FLT3: variants seen among roughly 807,000 people sequenced by gnomAD.
FLT3 encodes receptor-type tyrosine-protein kinase FLT3.
A neutral mutation model predicts 126.6 loss-of-function variants in FLT3; 46 were observed. The ratio of observed to expected loss-of-function variants is 0.36; its 90% CI spans 0.29 to 0.46. The LOEUF (loss-of-function observed/expected upper bound fraction) is 0.46. Among genes scored for constraint, FLT3 ranks in the 20% least tolerant of loss-of-function variants. The probability of loss-of-function intolerance (pLI) is 1.00; values close to 1 mark genes in which losing one functional copy is unlikely to be tolerated. For missense variants in FLT3, 1,069 were observed against 1,190.3 expected (o/e 0.90, Z 1.50); for synonymous variants, 404 against 434.4 (o/e 0.93, Z 0.87).
At chr13:28,029,448 G>C (rs1005585353) in intron 15 of FLT3, among the ~76,000 whole-genome samples, 2 of 152,064 alleles carry the variant, frequency 1.3e-5, no homozygotes, top group African/African-American at 2.4e-5. Context: ...TGTTGAATCT[G>C]GTAATGCACC....
At chr13:28,048,835 T>C (rs563541856) in intron 8 of FLT3, among the ~76,000 whole-genome samples, 1 of 152,332 alleles carries the variant, frequency 6.6e-6, no homozygotes, top group East Asian at 1.9e-4. Context: ...CACTTCCTTA[T>C]TAATCTGCTA....
chr13:28,084,050 T>G (rs1279799445), intron 1 of FLT3, among the ~76,000 whole-genome samples: 2 of 152,116 alleles, frequency 1.3e-5, no homozygotes. Flanking sequence ...AGAAATGGTG[T>G]TTTGCTGTGT....
At chr13:28,033,791 A>G in intron 15 of FLT3, 96 bp downstream of exon 15, 1 of 930,946 alleles carries the variant, frequency 1.1e-6, no homozygotes, top group Non-Finnish European at 1.7e-6. Context: ...GCAAACAGTA[A>G]CCATTAAAAG....
chr13:28,029,326 A>T (rs1237878516), intron 15 of FLT3, among the ~76,000 whole-genome samples: 1 of 144,472 alleles, frequency 6.9e-6, no homozygotes, highest in Non-Finnish European at 1.5e-5. Context: ...GGGGAGGCAG[A>T]GGTTGCAGTG....
Position 28,100,126 on chromosome 13 carries a change from C to G in FLT3, c.43+342G>C, listed in dbSNP as rs1415651188. 6.6e-6 allele frequency among the ~76,000 whole-genome samples: 1 copy of G among 152,132 alleles called. No homozygotes were observed. Among genetic ancestry groups the G allele is most frequent in the African/African-American group, 2.4e-5 (1 of 41,444 alleles). ...GCGGCCGCAGACTCCCACGGACGGC[C>G]CAGCACCCGAGCGCGCGGGCCGAGC... On this transcript the variant is annotated intron_variant, in intron 1 of 23. Coordinates refer to ENST00000241453, the MANE Select transcript of FLT3 (RefSeq NM_004119.3). This position sits in a 1 kb window ranked among gnomAD's most constrained non-coding sequence, Gnocchi z 4.8.
chr13:28,049,601 C>G, intron 7 of FLT3, 34 bp downstream of exon 7: 1 of 1,613,208 alleles, frequency 6.2e-7, no homozygotes, highest in Non-Finnish European at 8.5e-7. Context: ...GTTAATTGTT[C>G]CTGCATTTTC....
At chr13:28,045,809 C>T (rs1018145218) in intron 9 of FLT3, among the ~76,000 whole-genome samples, 1 of 148,756 alleles carries the variant, frequency 6.7e-6, no homozygotes, top group East Asian at 2.0e-4. Context: ...GAGCCAAGAT[C>T]GTGCCACTGC....
At chr13:28,034,748 A>G (rs1402037312) in intron 12 of FLT3, among the ~76,000 whole-genome samples, 2 of 152,138 alleles carry the variant, frequency 1.3e-5, no homozygotes, top group African/African-American at 4.8e-5. Context: ...TGAGTCCAAG[A>G]ATTAGACACC....
intron 5 of FLT3, 100 bp downstream of exon 5, chr13:28,052,445 T>C: frequency 8.0e-7 from 1 of 1,245,956 alleles, no homozygotes; most frequent in Non-Finnish European, 1.1e-6. Context: ...CCTGTTTAAA[T>C]GAGCATAAAT....
At chr13:28,067,024 T>C (rs1379946326) in intron 2 of FLT3, among the ~76,000 whole-genome samples, 2 of 152,222 alleles carry the variant, frequency 1.3e-5, no homozygotes, top group African/African-American at 2.4e-5. Flanking sequence ...GGCACGCTCC[T>C]GGGAAATTCT....
At chr13:28,026,011 C>T (rs1267063665) in intron 17 of FLT3, among the ~76,000 whole-genome samples, 1 of 152,052 alleles carries the variant, frequency 6.6e-6, no homozygotes, top group Non-Finnish European at 1.5e-5. Flanking sequence ...AAACAAATAC[C>T]CTTCAGAATA....
At chr13:28,052,467 T>A in intron 5 of FLT3, 78 bp downstream of exon 5, 2 of 1,391,320 alleles carry the variant, frequency 1.4e-6, no homozygotes, top group Non-Finnish European at 9.9e-7. Context: ...AAATTTTACA[T>A]ACAGCTTGAT....
At chr13:28,045,063 C>T (rs191799107) in intron 9 of FLT3, among the ~76,000 whole-genome samples, 4 of 152,254 alleles carry the variant, frequency 2.6e-5, no homozygotes, top group Non-Finnish European at 5.9e-5. Flanking sequence ...GAGTCAGGAG[C>T]TCACCTAATT....
chr13:28,058,043 A>G (rs1876169360), intron 3 of FLT3, among the ~76,000 whole-genome samples: 1 of 151,390 alleles, frequency 6.6e-6, no homozygotes, highest in African/African-American at 2.4e-5. Context: ...CCGTCTCAAA[A>G]AAAAACTGAA....
At chr13:28,042,146 AAATAATAATAAT>A (rs57260336) in intron 9 of FLT3, among the ~76,000 whole-genome samples, 4,078 of 134,718 alleles carry the variant, frequency 0.03, 157 homozygotes, top group African/African-American at 0.08. Context: ...CCTCCATCCG[AAATAATAATAAT>A]AATAATAATA....
At chr13:28,048,160 ATAGT>A (rs1875071961) in intron 9 of FLT3, 111 bp downstream of exon 9, 1 of 752,190 alleles carries the variant, frequency 1.3e-6, no homozygotes, top group South Asian at 1.9e-5. Flanking sequence ...CAACTCAATA[ATAGT>A]TAAACTCATA....
chr13:28,082,347 A>G (rs1380238630), intron 1 of FLT3, among the ~76,000 whole-genome samples: 9 of 152,164 alleles, frequency 5.9e-5, no homozygotes, highest in Admixed American at 5.9e-4. Context: ...CTTTTTGTAG[A>G]GATGGGGTCT....
rs1872896572 is a variant in FLT3 at position 28,027,299 on chromosome 13, G to A, written c.2054-58C>T. 5 of 1,432,538 alleles carry A rather than the reference G, an allele frequency of 3.5e-6. No homozygotes were observed. In the East Asian group the frequency reaches 1.1e-4, roughly 33 times the overall value. The allele number at this position is 1,432,538 out of a possible 1,614,324, so 88.7% of individuals were successfully genotyped here. ...CACAAAGCAAACTGTTATTTCAGAAGTCTATGTAGCAGACAACATACTCTT... is the reference window on the plus strand; with the variant it reads ...CACAAAGCAAACTGTTATTTCAGAAATCTATGTAGCAGACAACATACTCTT... On this transcript the variant is annotated intron_variant, in intron 16 of 23. Coordinates refer to ENST00000241453, the MANE Select transcript of FLT3 (RefSeq NM_004119.3).
intron 23 of FLT3, among the ~76,000 whole-genome samples, chr13:28,013,542 ATGGTTCTTTTCACTATACCAGGTGG>A (rs1429656420): frequency 6.6e-6 from 1 of 152,200 alleles, no homozygotes; most frequent in African/African-American, 2.4e-5. Context: ...TCATCTGGAG[ATGGTTCTTTTCACTATACCAGGTGG>A]TGGTGTTGAT....
Sources: gnomAD v4.1 joint callset for allele counts (sites outside exome capture counted in the v4.1 genomes callset) on GRCh38, gnomAD v4.1.1 for gene constraint, Gnocchi (gnomAD v3.1) non-coding constraint, MANE v1.5 for transcripts, NCBI Gene and HGNC (gene_info 2026-07-23, HGNC 2026-07-21) for gene names.